Variants in LRRC4C observed in about 807,000 individuals in gnomAD.
The protein encoded by LRRC4C is leucine rich repeat containing 4C.
LRRC4C carries 5 observed loss-of-function variants against 33.6 expected under a neutral mutation model. The observed-to-expected ratio is 0.15, with a 90% confidence interval of 0.08 to 0.31. The LOEUF (loss-of-function observed/expected upper bound fraction) is 0.31. Among genes scored for constraint, LRRC4C ranks in the 10% least tolerant of loss-of-function variants. LRRC4C has a pLI of 1.00. For missense variants in LRRC4C, 560 were observed against 796.7 expected (o/e 0.70, Z 3.58); for synonymous variants, 329 against 302.0 (o/e 1.09, Z -0.93).
chr11:40,707,564 T>C (rs1163348946), intron 2 of LRRC4C, among the ~76,000 whole-genome samples: 1 of 152,184 alleles, frequency 6.6e-6, no homozygotes, highest in Non-Finnish European at 1.5e-5. Flanking sequence ...TGAAGCCAAC[T>C]TGACCTTGGT....
chr11:40,965,019 C>T (rs1851243607), intron 1 of LRRC4C, among the ~76,000 whole-genome samples: 1 of 152,100 alleles, frequency 6.6e-6, no homozygotes, highest in African/African-American at 2.4e-5. Flanking sequence ...TCTCCACACC[C>T]TCTCCAGCAC....
intron 3 of LRRC4C, among the ~76,000 whole-genome samples, chr11:40,355,414 T>C (rs567623893): frequency 2.0e-5 from 3 of 152,224 alleles, no homozygotes; most frequent in South Asian, 4.1e-4. Flanking sequence ...ATAACCCTTG[T>C]AGCCTAAACT....
At chr11:40,695,564 G>A (rs1366337466) in intron 2 of LRRC4C, among the ~76,000 whole-genome samples, 1 of 152,086 alleles carries the variant, frequency 6.6e-6, no homozygotes, top group Non-Finnish European at 1.5e-5. Context: ...TTACAGTTCT[G>A]GAGGTCAGAA....
intron 1 of LRRC4C, among the ~76,000 whole-genome samples, chr11:41,116,691 A>T (rs1942147640): frequency 6.6e-6 from 1 of 152,108 alleles, no homozygotes; most frequent in Non-Finnish European, 1.5e-5. Flanking sequence ...TGACTCTTAA[A>T]ACCCTCCATT....
intron 3 of LRRC4C, among the ~76,000 whole-genome samples, chr11:40,429,412 T>C (rs1950832104): frequency 1.3e-5 from 2 of 152,166 alleles, no homozygotes. Context: ...ATTTACTCTT[T>C]GCATCCATCT....
intron 2 of LRRC4C, among the ~76,000 whole-genome samples, chr11:40,892,031 A>T (rs1450235352): frequency 1.3e-5 from 2 of 149,428 alleles, no homozygotes; most frequent in Non-Finnish European, 3.0e-5. Flanking sequence ...GCTACTCGGG[A>T]GGCTGAGGCA....
chr11:40,250,313 G>A (rs1866684260), intron 4 of LRRC4C, among the ~76,000 whole-genome samples: 1 of 151,998 alleles, frequency 6.6e-6, no homozygotes, highest in African/African-American at 2.4e-5. Flanking sequence ...ATTCTGTTAA[G>A]CTTCCCTATG....
intron 1 of LRRC4C, among the ~76,000 whole-genome samples, chr11:41,210,605 T>A (rs148694324): frequency 6.6e-6 from 1 of 152,266 alleles, no homozygotes; most frequent in East Asian, 1.9e-4. Flanking sequence ...TTGTGGGCCA[T>A]GGCTTGGTAA....
rs184999771 is a variant in LRRC4C, at chr11:40,954,372, A to G, written c.-495-20649T>C. ...GTGTAAATAAAAGACTTGGAAATTC[A>G]TAATGATTTTTGTTTCTATAATATT... On this transcript the variant is annotated intron_variant, in intron 1 of 6. Coordinates refer to ENST00000528697, the MANE Select transcript of LRRC4C (RefSeq NM_001258419.2). Among the ~76,000 whole-genome samples the G allele has an allele frequency of 5.0e-4, 76 of 152,018 alleles. 1 individual carries two copies. The East Asian group carries it at 0.014, about 28-fold the overall frequency.
chr11:40,574,789 G>T (rs1208411979), intron 3 of LRRC4C, among the ~76,000 whole-genome samples: 4 of 152,248 alleles, frequency 2.6e-5, no homozygotes, highest in South Asian at 2.1e-4. Flanking sequence ...CAGACACCTA[G>T]GTTTATTCAT....
Position 40,179,368 on chromosome 11 carries a change from T to C in LRRC4C, c.-95-38515A>G, listed in dbSNP as rs191748353. Reference sequence around the variant, plus strand: ...TTGTGTGTGCTAGATGTTAAGTTTCTTGTTGAGTCCTCACTGAAACACAGA... The same window carrying C: ...TTGTGTGTGCTAGATGTTAAGTTTCCTGTTGAGTCCTCACTGAAACACAGA... On this transcript the variant is annotated intron_variant, in intron 5 of 6. Transcript: ENST00000528697. Among the ~76,000 whole-genome samples, 106 of 152,280 alleles carry C rather than the reference T, an allele frequency of 7.0e-4. 2 individuals carry two copies. Among genetic ancestry groups the C allele is most frequent in the African/African-American group, 2.5e-3 (104 of 41,546 alleles).
chr11:40,531,220 G>T (rs1270149878), intron 3 of LRRC4C, among the ~76,000 whole-genome samples: 2 of 152,088 alleles, frequency 1.3e-5, no homozygotes, highest in Non-Finnish European at 2.9e-5. Context: ...CCCCACGCTT[G>T]TATAGCTTCC....
intron 2 of LRRC4C, among the ~76,000 whole-genome samples, chr11:40,723,290 C>T (rs1005460229): frequency 6.6e-6 from 1 of 151,596 alleles, no homozygotes; most frequent in Admixed American, 6.6e-5. Context: ...CAATCATCCC[C>T]AGGACACATA....
intron 5 of LRRC4C, among the ~76,000 whole-genome samples, chr11:40,196,706 A>G (rs1341856975): frequency 6.6e-6 from 1 of 152,230 alleles, no homozygotes; most frequent in Non-Finnish European, 1.5e-5. Context: ...ATTAATTGAG[A>G]TAATGAACAT....
chr11:41,111,431 G>T (rs942293939), intron 1 of LRRC4C, among the ~76,000 whole-genome samples: 1 of 151,912 alleles, frequency 6.6e-6, no homozygotes, highest in South Asian at 2.1e-4. Context: ...CATAACCACC[G>T]CTCTGTACTT....
chr11:41,263,983 A>C (rs192155220), intron 1 of LRRC4C, among the ~76,000 whole-genome samples: 115 of 152,274 alleles, frequency 7.6e-4, no homozygotes, highest in African/African-American at 2.7e-3. Flanking sequence ...TTCTTTGTCT[A>C]TCATCCAGAA....
intron 6 of LRRC4C, among the ~76,000 whole-genome samples, chr11:40,130,355 T>C (rs1009116449): frequency 1.3e-5 from 2 of 151,820 alleles, no homozygotes; most frequent in African/African-American, 2.4e-5. Context: ...TTTCTTCCTG[T>C]TTTTTTTCTT....
chr11:41,021,563 C>T (rs957440173), intron 1 of LRRC4C, among the ~76,000 whole-genome samples: 8 of 152,158 alleles, frequency 5.3e-5, no homozygotes, highest in African/African-American at 9.6e-5. Flanking sequence ...TACTTTATAA[C>T]GTTCAAATCT....
intron 1 of LRRC4C, among the ~76,000 whole-genome samples, chr11:41,059,967 A>G (rs1449112078): frequency 6.6e-6 from 1 of 152,038 alleles, no homozygotes; most frequent in Non-Finnish European, 1.5e-5. Flanking sequence ...AGAGGTTGCA[A>G]TCAGCCGAGA....
Sources: gnomAD v4.1 joint callset for allele counts (sites outside exome capture counted in the v4.1 genomes callset) on GRCh38, gnomAD v4.1.1 for gene constraint, MANE v1.5 for transcripts, NCBI Gene and HGNC (gene_info 2026-07-23, HGNC 2026-07-21) for gene names.